Variants in LITAF observed in about 807,000 individuals in gnomAD.
LITAF encodes lipopolysaccharide-induced tumor necrosis factor-alpha factor.
In LITAF, 9 loss-of-function variants were observed where a neutral mutation model predicts 14.5. The ratio of observed to expected loss-of-function variants is 0.62; its 90% CI spans 0.37 to 1.08. The LOEUF is 1.08. LITAF is among the 50% of genes least tolerant of loss of function. The pLI is 0.01. For missense variants in LITAF, 206 were observed against 213.4 expected (o/e 0.97, Z 0.22); for synonymous variants, 98 against 88.2 (o/e 1.11, Z -0.62).
upstream of LITAF, among the ~76,000 whole-genome samples, chr16:11,588,924 A>G (rs920849359): frequency 6.6e-6 from 1 of 151,518 alleles, no homozygotes; most frequent in Non-Finnish European, 1.5e-5. Flanking sequence ...TCCTTCCTGT[A>G]AAAAGCAGTA....
Position 11,549,302 on chromosome 16 carries a change from A to G in LITAF, c.*335T>C. On this transcript the variant is annotated 3_prime_UTR_variant, in exon 4 of 4. Transcript: ENST00000622633. This position sits in a 1 kb window ranked among gnomAD's most constrained non-coding sequence, Gnocchi z 4.6. ...ACCAGAAAGGCCCATGGAAGCAGGA[A>G]AAAAGAGCCACTGATGGCAGATCAC... 2.2e-6 allele frequency: 1 copy of G among 448,756 alleles called. No homozygotes were observed. Among genetic ancestry groups the G allele is most frequent in the South Asian group, 1.6e-5 (1 of 63,758 alleles). The allele number at this position is 448,756 out of a possible 1,614,324, so 27.8% of individuals were successfully genotyped here.
upstream of LITAF, among the ~76,000 whole-genome samples, chr16:11,602,112 A>G (rs563432418): frequency 6.6e-5 from 10 of 152,292 alleles, no homozygotes; most frequent in South Asian, 2.1e-3. Context: ...GTCATCTCAG[A>G]ACTTTTGGGG....
chr16:11,567,892 G>C (rs146365935), intron 1 of LITAF, among the ~76,000 whole-genome samples: 8 of 152,190 alleles, frequency 5.3e-5, no homozygotes, highest in Non-Finnish European at 1.0e-4. Flanking sequence ...ACTGAGGCAG[G>C]AGAAGTGCTT....
chr16:11,573,685 G>GA (rs1458039555), intron 1 of LITAF, among the ~76,000 whole-genome samples: 2 of 148,986 alleles, frequency 1.3e-5, no homozygotes, highest in Non-Finnish European at 3.0e-5. Context: ...TGTGTATGGT[G>GA]AGAGAAGAAG....
At chr16:11,628,678 C>A (rs557656359) in intron 3 of LITAF, among the ~76,000 whole-genome samples, 88 of 129,130 alleles carry the variant, frequency 6.8e-4, no homozygotes, top group African/African-American at 2.1e-3. Context: ...AATATTTTTT[C>A]TTTTCTTTTT....
At chr16:11,563,194 A>G (rs8061348) in intron 1 of LITAF, among the ~76,000 whole-genome samples, 2,440 of 152,086 alleles carry the variant, frequency 0.016, 75 homozygotes, top group African/African-American at 0.056. Context: ...TGTCGCCTAG[A>G]CTGGAACGCA....
At chr16:11,554,412 T>C (rs139268850) in intron 2 of LITAF, among the ~76,000 whole-genome samples, 1 of 152,200 alleles carries the variant, frequency 6.6e-6, no homozygotes, top group Non-Finnish European at 1.5e-5. Flanking sequence ...ACTGTGTTGA[T>C]ACAAGAAATG....
At chr16:11,603,908 G>A (rs1424191198) in intron 3 of LITAF, among the ~76,000 whole-genome samples, 10 of 152,098 alleles carry the variant, frequency 6.6e-5, no homozygotes, top group East Asian at 1.9e-4. Flanking sequence ...TTACCCAGGC[G>A]TGGTGGCGGG....
intron 3 of LITAF, among the ~76,000 whole-genome samples, chr16:11,608,180 C>G (rs1409532658): frequency 6.6e-6 from 1 of 152,212 alleles, no homozygotes; most frequent in African/African-American, 2.4e-5. Flanking sequence ...ACAGATAAAC[C>G]CCACTGGGGT....
intron 3 of LITAF, among the ~76,000 whole-genome samples, chr16:11,550,533 G>A (rs1007743250): frequency 2.6e-5 from 4 of 152,234 alleles, no homozygotes; most frequent in African/African-American, 9.6e-5. Context: ...TCCTCCTACA[G>A]ACAGAGCCCC....
upstream of LITAF, among the ~76,000 whole-genome samples, chr16:11,598,734 T>A (rs2064909121): frequency 6.6e-6 from 1 of 152,208 alleles, no homozygotes; most frequent in Non-Finnish European, 1.5e-5. Context: ...AACCTATGTT[T>A]TTGTTCTCTC....
chr16:11,614,881 C>G (rs138138899), intron 3 of LITAF, among the ~76,000 whole-genome samples: 4 of 152,224 alleles, frequency 2.6e-5, no homozygotes, highest in Non-Finnish European at 4.4e-5. Flanking sequence ...CTGTTCTAGA[C>G]GGCAGGCAGT....
At chr16:11,633,243 G>A (rs1376232150) in intron 3 of LITAF, among the ~76,000 whole-genome samples, 2 of 152,164 alleles carry the variant, frequency 1.3e-5, no homozygotes, top group Admixed American at 6.5e-5. Context: ...TATTGCCTTG[G>A]AGCAAGCCAG....
chr16:11,551,739 G>T (rs1203876599), intron 3 of LITAF: 1 of 684,518 alleles, frequency 1.5e-6, no homozygotes, highest in Non-Finnish European at 2.7e-6. Context: ...GGCTGAGCTG[G>T]GCGGATTGCA....
chr16:11,593,402 T>A (rs6498228), intron 1 of LITAF, among the ~76,000 whole-genome samples: 2 of 146,204 alleles, frequency 1.4e-5, no homozygotes, highest in African/African-American at 5.0e-5. Flanking sequence ...TAAATATTGG[T>A]AAGGATGTGA....
chr16:11,567,294 C>A (rs2064465965), intron 1 of LITAF, among the ~76,000 whole-genome samples: 1 of 152,076 alleles, frequency 6.6e-6, no homozygotes, highest in East Asian at 1.9e-4. Context: ...GTGGCACACG[C>A]CTGTAATCCT....
At chr16:11,566,852 T>C (rs568961879) in intron 1 of LITAF, among the ~76,000 whole-genome samples, 1 of 151,984 alleles carries the variant, frequency 6.6e-6, no homozygotes, top group South Asian at 2.1e-4. Context: ...CTTACTCCAA[T>C]AGCTCTAACA....
At chr16:11,596,204 A>G (rs1222571961) in intron 1 of LITAF, among the ~76,000 whole-genome samples, 1 of 152,104 alleles carries the variant, frequency 6.6e-6, no homozygotes, top group Non-Finnish European at 1.5e-5. Flanking sequence ...CAGGAGAAGC[A>G]GCCCAGCCGG....
At chr16:11,628,683 C>CTT (rs35083001) in intron 3 of LITAF, among the ~76,000 whole-genome samples, 37 of 147,522 alleles carry the variant, frequency 2.5e-4, no homozygotes, top group Middle Eastern at 3.4e-3. Context: ...TTTTTCTTTT[C>CTT]TTTTTTTTTT....
Sources: gnomAD v4.1 joint callset for allele counts (sites outside exome capture counted in the v4.1 genomes callset) on GRCh38, gnomAD v4.1.1 for gene constraint, Gnocchi (gnomAD v3.1) non-coding constraint, MANE v1.5 for transcripts, NCBI Gene and HGNC (gene_info 2026-07-23, HGNC 2026-07-21) for gene names.